The following TMEM181 variants were observed in gnomAD, a reference collection of about 807,000 sequenced individuals.
The protein encoded by TMEM181 is G protein-coupled receptor 178.
A neutral mutation model predicts 71.9 loss-of-function variants in TMEM181; 39 were observed. That is an observed-to-expected ratio of 0.54 (90% CI 0.42 to 0.71). TMEM181 has a LOEUF of 0.71. Among genes scored for constraint, TMEM181 ranks in the 30% least tolerant of loss-of-function variants. The pLI is 0.00. For missense variants in TMEM181, 595 were observed against 583.0 expected, an observed-to-expected ratio of 1.02 and a Z score of -0.21; for synonymous variants, 245 against 228.8, an observed-to-expected ratio of 1.07 and a Z score of -0.64.
At chr6:158,627,185 C>T (rs1288508711) in intron 13 of TMEM181, among the ~76,000 whole-genome samples, 5 of 152,050 alleles carry the variant, frequency 3.3e-5, no homozygotes, top group Non-Finnish European at 7.4e-5. Flanking sequence ...CCCTCACTCT[C>T]ACACCCTTAC....
At chr6:158,589,809 T>A in intron 6 of TMEM181, 27 bp downstream of exon 6, 1 of 1,469,762 alleles carries the variant, frequency 6.8e-7, no homozygotes, top group African/African-American at 1.4e-5. Flanking sequence ...ACTGCACGTT[T>A]CCATGGCTCA....
At position 158,632,287 on chromosome 6, in the gene TMEM181, T is replaced by G; in HGVS notation, c.*399T>G. On this transcript the variant is annotated 3_prime_UTR_variant, in exon 17 of 17. Transcript: ENST00000684151. ...CAGCGTGACAGCATCACCCTCTTTC[T>G]TCCCTTTTCCATGGTACTGTTTTGT... The G allele has an allele frequency of 4.6e-6, 1 of 216,040 alleles. No homozygotes were observed. Among genetic ancestry groups the G allele is most frequent in the Non-Finnish European group, 9.6e-6 (1 of 104,276 alleles). The allele number at this position is 216,040 out of a possible 1,614,324, so 13.4% of individuals were successfully genotyped here. A position where few individuals can be genotyped will look rare whatever the true frequency, so the allele number is the denominator to read the frequency against.
chr6:158,557,238 TTAG>T (rs1781928524), upstream of TMEM181, among the ~76,000 whole-genome samples: 1 of 152,074 alleles, frequency 6.6e-6, no homozygotes, highest in Admixed American at 6.5e-5. Context: ...GCTGGTTGTG[TTAG>T]TGCACACCTG....
At chr6:158,538,144 T>TG (rs149418036) in intron 1 of TMEM181, among the ~76,000 whole-genome samples, 1 of 40,466 alleles carries the variant, frequency 2.5e-5, no homozygotes, top group East Asian at 6.8e-4. Context: ...CCCTACTCTG[T>TG]TTTTTTTTTT....
At chr6:158,612,014 C>T (rs533023040) in intron 10 of TMEM181, among the ~76,000 whole-genome samples, 25 of 150,714 alleles carry the variant, frequency 1.7e-4, no homozygotes, top group Admixed American at 4.6e-4. Flanking sequence ...GCTTGTCTAT[C>T]TTAGCGCATT....
At chr6:158,564,362 C>A (rs1782364168) in intron 1 of TMEM181, among the ~76,000 whole-genome samples, 1 of 152,186 alleles carries the variant, frequency 6.6e-6, no homozygotes, top group African/African-American at 2.4e-5. Context: ...CATCCTCTCA[C>A]CCCAGCCTGT....
At chr6:158,547,417 C>T (rs1781561906) in intron 1 of TMEM181, among the ~76,000 whole-genome samples, 1 of 152,194 alleles carries the variant, frequency 6.6e-6, no homozygotes, top group Non-Finnish European at 1.5e-5. Context: ...TACTGAGACC[C>T]ACTGTCTTAA....
chr6:158,588,094 T>C (rs954223158), intron 5 of TMEM181, among the ~76,000 whole-genome samples: 1 of 152,210 alleles, frequency 6.6e-6, no homozygotes, highest in Non-Finnish European at 1.5e-5. Flanking sequence ...CAATGAGAGC[T>C]GATCAGGTGG....
chr6:158,544,182 A>AGAGAGAGAGTGTGTGTGTGT (rs149735409), intron 1 of TMEM181, among the ~76,000 whole-genome samples: 1,748 of 127,586 alleles, frequency 0.014, 24 homozygotes, highest in Middle Eastern at 0.023. Context: ...AATTGGAGAG[A>AGAGAGAGAGTGTGTGTGTGT]GTGTGTGTGT....
upstream of TMEM181, among the ~76,000 whole-genome samples, chr6:158,557,863 A>G (rs549733743): frequency 1.5e-4 from 23 of 152,356 alleles, no homozygotes; most frequent in Middle Eastern, 3.4e-3. Flanking sequence ...TTGACTAGAA[A>G]AGGACAGGGA....
chr6:158,629,887 C>T, intron 15 of TMEM181, 68 bp downstream of exon 15: 2 of 1,323,930 alleles, frequency 1.5e-6, no homozygotes, highest in South Asian at 1.2e-5. Flanking sequence ...CATCCACGAC[C>T]CACTTCCCGG....
intron 1 of TMEM181, among the ~76,000 whole-genome samples, chr6:158,544,279 C>T (rs1781454754): frequency 6.6e-6 from 1 of 150,780 alleles, no homozygotes; most frequent in Non-Finnish European, 1.5e-5. Flanking sequence ...AGCTCAGGAG[C>T]TGTTGGGTCA....
At chr6:158,627,092 C>T (rs1053016693) in intron 13 of TMEM181, among the ~76,000 whole-genome samples, 2 of 112,866 alleles carry the variant, frequency 1.8e-5, no homozygotes, top group Non-Finnish European at 3.6e-5. Flanking sequence ...CTCACCCTCA[C>T]CCTCGTTTTC....
At chr6:158,631,112 C>G (rs2128333719) in intron 15 of TMEM181, among the ~76,000 whole-genome samples, 1 of 152,352 alleles carries the variant, frequency 6.6e-6, no homozygotes, top group African/African-American at 2.4e-5. Context: ...CCTCAGCCTT[C>G]AGGACGTCCC....
chr6:158,625,199 TTA>T lies in TMEM181; in HGVS notation c.1052_1053del (p.Tyr351CysfsTer19). On this transcript the variant is annotated frameshift_variant, in exon 12 of 17. Coordinates refer to ENST00000684151, the MANE Select transcript of TMEM181 (RefSeq NM_001376852.1). LOFTEE classifies it high-confidence loss of function. ...RACSELRHMPYVDLRLKFLTA... is the reference protein window; with the variant it reads ...RACSELRHMPXVDLRLKFLTA... ...CGTGTTCCGAGCTACGTCACATGCC[TTA>T]TGTGGGTAAGTGCTCCTTTCAGAAT... The T allele has an allele frequency of 6.2e-7, 1 of 1,613,810 alleles. No homozygotes were observed.
upstream of TMEM181, among the ~76,000 whole-genome samples, chr6:158,559,274 C>G (rs1261194056): frequency 2.0e-5 from 3 of 152,172 alleles, no homozygotes; most frequent in African/African-American, 4.8e-5. Context: ...TTTTCTTTGC[C>G]TGTAATTTCA....
chr6:158,574,493 C>T (rs1487283925), intron 2 of TMEM181, among the ~76,000 whole-genome samples: 1 of 152,278 alleles, frequency 6.6e-6, no homozygotes, highest in Admixed American at 6.5e-5. Context: ...TTAATATTCT[C>T]ATGGTCTCCA....
Position 158,551,956 on chromosome 6 carries a change from G to T in TMEM181, c.131+15091G>T, listed in dbSNP as rs138569884. Among the ~76,000 whole-genome samples the T allele has an allele frequency of 6.1e-3, 931 of 152,210 alleles. 10 individuals are homozygous for T. Among genetic ancestry groups the T allele is most frequent in the African/African-American group, 0.021 (892 of 41,536 alleles). The stretch of plus-strand genomic sequence containing the variant: ...TTCCCAAGTTAATTTTAGGTCAAAA[G>T]ATTTAATTTAGAATTTTGATCCTGG... On this transcript the variant is annotated intron_variant, in intron 1 of 16. Coordinates refer to the TMEM181 transcript ENST00000367090.
chr6:158,625,765 C>T lies in TMEM181; in HGVS notation c.1109+11C>T, dbSNP rs184978282. The T allele has an allele frequency of 5.0e-3, 7,965 of 1,606,416 alleles. 33 individuals are homozygous for T. The highest frequency in any genetic ancestry group is 5.8e-3 in the Non-Finnish European group (6,860 of 1,177,492). On this transcript the variant is annotated intron_variant, in intron 13 of 16. Transcript: ENST00000684151. ...AGTACTTGTCATTAGGTAAGAAGACCTTATTTCTTGAAAACAGCAAAACGG... is the reference window on the plus strand; with the variant it reads ...AGTACTTGTCATTAGGTAAGAAGACTTTATTTCTTGAAAACAGCAAAACGG...
Sources: allele counts gnomAD v4.1 joint callset (sites outside exome capture counted in the v4.1 genomes callset), GRCh38; gene constraint gnomAD v4.1.1; transcripts MANE v1.5; gene names NCBI Gene and HGNC (gene_info 2026-07-23, HGNC 2026-07-21).